The following TMEM131 variants were observed in gnomAD, a reference collection of about 807,000 sequenced individuals.
TMEM131 encodes the protein 2610524E03Rik.
A neutral mutation model predicts 211.6 loss-of-function variants in TMEM131; 66 were observed. That is an observed-to-expected ratio of 0.31 (90% CI 0.26 to 0.38). The LOEUF (loss-of-function observed/expected upper bound fraction) is 0.38, where lower values mean the gene tolerates loss of function less well. Ranked by LOEUF, TMEM131 falls within the 10% of genes least tolerant of loss-of-function variation. The pLI is 1.00. For synonymous variants in TMEM131, 844 were observed against 841.3 expected (o/e 1.00, Z -0.06); for missense variants, 2,036 against 2,299.3 (o/e 0.89, Z 2.34).
intron 1 of TMEM131, among the ~76,000 whole-genome samples, chr2:97,977,184 A>G (rs1679578986): frequency 6.6e-6 from 1 of 152,032 alleles, no homozygotes; most frequent in Admixed American, 6.5e-5. Flanking sequence ...TCAATCAATT[A>G]AAAACTTCTG....
intron 11 of TMEM131, among the ~76,000 whole-genome samples, chr2:97,825,508 G>A (rs566334433): frequency 1.9e-4 from 29 of 152,282 alleles, no homozygotes; most frequent in African/African-American, 7.0e-4. Context: ...GATACAGCAA[G>A]ATGGCCAGAC....
chr2:97,804,621 C>CA (rs71386034), intron 22 of TMEM131, among the ~76,000 whole-genome samples: 5,709 of 70,850 alleles, frequency 0.081, 531 homozygotes, highest in African/African-American at 0.26. Context: ...GACTCCGTCT[C>CA]AAAAAAAAAA....
intron 11 of TMEM131, among the ~76,000 whole-genome samples, chr2:97,818,955 T>C (rs560995750): frequency 6.6e-6 from 1 of 152,372 alleles, no homozygotes; most frequent in South Asian, 2.1e-4. Flanking sequence ...GATTTGTAAG[T>C]GTAAGAATCT....
intron 1 of TMEM131, among the ~76,000 whole-genome samples, chr2:97,981,042 A>AGG (rs1312858403): frequency 5.5e-5 from 5 of 91,384 alleles, no homozygotes; most frequent in African/African-American, 1.9e-4. Context: ...AAAAAAAAAA[A>AGG]AAAAAAAAAA....
At chr2:97,871,431 G>A (rs1009108289) in intron 4 of TMEM131, among the ~76,000 whole-genome samples, 1 of 152,214 alleles carries the variant, frequency 6.6e-6, no homozygotes, top group African/African-American at 2.4e-5. Flanking sequence ...CATGAGGTTA[G>A]GGTTATCAGA....
chr2:97,945,274 T>A (rs749128642), intron 1 of TMEM131, among the ~76,000 whole-genome samples: 12 of 152,122 alleles, frequency 7.9e-5, no homozygotes, highest in Non-Finnish European at 1.8e-4. Flanking sequence ...AAAAAGAACC[T>A]AGATTAGCAG....
chr2:97,793,123 C>A (rs1680584834), intron 30 of TMEM131, 139 bp from the exon 31 acceptor site: 1 of 691,922 alleles, frequency 1.4e-6, no homozygotes, highest in Non-Finnish European at 2.3e-6. Context: ...AGGGAAATTT[C>A]TACAACTCTC....
rs975785208 is a variant in TMEM131 at position 97,827,271 on chromosome 2, C to T, written c.1074+6094G>A. 1.8e-5 allele frequency: 14 copies of T among 780,278 alleles called. 1 individual carries two copies. The highest frequency in any genetic ancestry group is 5.1e-5 in the African/African-American group (3 of 59,020). The allele number at this position is 780,278 out of a possible 1,614,324, so 48.3% of individuals were successfully genotyped here. On this transcript the variant is annotated intron_variant, in intron 11 of 40. Transcript: ENST00000186436. ...GGATGCCCAAGAGGAAGGTCAGCTCCGCTGAAGCCGCTGCCAAGGAAGAGC... is the reference window on the plus strand; with the variant it reads ...GGATGCCCAAGAGGAAGGTCAGCTCTGCTGAAGCCGCTGCCAAGGAAGAGC...
At chr2:97,858,378 T>C (rs1673931750) in intron 5 of TMEM131, among the ~76,000 whole-genome samples, 1 of 152,206 alleles carries the variant, frequency 6.6e-6, no homozygotes, top group African/African-American at 2.4e-5. Flanking sequence ...TTTTTATTTA[T>C]TTGGTCAGAG....
At chr2:97,821,671 C>T (rs775667418) in intron 11 of TMEM131, among the ~76,000 whole-genome samples, 5 of 152,194 alleles carry the variant, frequency 3.3e-5, no homozygotes, top group East Asian at 3.9e-4. Context: ...AAGGGACTAT[C>T]GCCAAGCAGT....
intron 1 of TMEM131, among the ~76,000 whole-genome samples, chr2:97,951,607 G>C (rs967812022): frequency 2.0e-5 from 3 of 152,142 alleles, no homozygotes; most frequent in Non-Finnish European, 2.9e-5. Context: ...AGAGAGGACA[G>C]GGTTTTCTGT....
intron 33 of TMEM131, among the ~76,000 whole-genome samples, chr2:97,769,961 G>A (rs971869889): frequency 6.6e-6 from 1 of 152,190 alleles, no homozygotes; most frequent in African/African-American, 2.4e-5. Flanking sequence ...GGATGGATGG[G>A]GCTGAGCCAC....
At position 97,970,014 on chromosome 2, in the gene TMEM131, G is replaced by A. The variant is rs140102755; in HGVS notation, c.187+25462C>T. On this transcript the variant is annotated intron_variant, in intron 1 of 40. Transcript: ENST00000186436. ...ATTCCATTCCATTCTCCTTGTTGAT[G>A]AAGAATGACTGTTATAGTACTGCTG... Among the ~76,000 whole-genome samples, 117 of 152,296 alleles carry A rather than the reference G, an allele frequency of 7.7e-4. No homozygotes were observed. The East Asian group carries it at 0.014, about 19-fold the overall frequency.
chr2:97,911,556 T>C (rs1202853902), intron 2 of TMEM131: 1 of 909,192 alleles, frequency 1.1e-6, no homozygotes, highest in Non-Finnish European at 1.3e-6. Flanking sequence ...TGCACTTTCT[T>C]GAGGAGAAAA....
chr2:97,781,167 T>C (rs955741911), intron 31 of TMEM131, among the ~76,000 whole-genome samples: 4 of 152,218 alleles, frequency 2.6e-5, no homozygotes, highest in Non-Finnish European at 2.9e-5. Context: ...CTATTCGTCA[T>C]ACAGCCTAAG....
chr2:97,766,571 C>G lies in TMEM131; in HGVS notation c.4480G>C (p.Glu1494Gln). 2 of 1,613,888 alleles carry G rather than the reference C, an allele frequency of 1.2e-6. No individual in the cohort carries two copies. The highest frequency in any genetic ancestry group is 2.2e-5 in the South Asian group (2 of 91,070). ...GGGAGATTTCTACGTTGCTTACTTTCCAAAGGGGGAGTATATGGTAGTTCT... is the reference window on the plus strand; with the variant it reads ...GGGAGATTTCTACGTTGCTTACTTTGCAAAGGGGGAGTATATGGTAGTTCT... Reference protein sequence around the residue: ...SLELPYTPPLESKQRRNLPSK... With the variant: ...SLELPYTPPLQSKQRRNLPSK... Residue 1494 changes from glutamate to glutamine, a missense_variant, in exon 34 of 41, where the codon GAA becomes CAA. Glu to Gln is a conservative substitution (Grantham distance 29). This residue lies in a region of TMEM131 where 1,623 missense variants were observed against 1,805.9 expected (regional missense o/e 0.90). Transcript: ENST00000186436.
At chr2:97,922,278 C>G (rs1351452211) in intron 2 of TMEM131, among the ~76,000 whole-genome samples, 1 of 152,112 alleles carries the variant, frequency 6.6e-6, no homozygotes, top group African/African-American at 2.4e-5. Flanking sequence ...CTTCACCCAC[C>G]ACCTGCTGTG....
chr2:97,845,817 G>T (rs970246692), intron 5 of TMEM131, among the ~76,000 whole-genome samples: 5 of 148,014 alleles, frequency 3.4e-5, no homozygotes, highest in Non-Finnish European at 7.4e-5. Context: ...CCATAAAATG[G>T]ATAAAACTCT....
At chr2:97,911,493 A>G (rs2104381791) in intron 2 of TMEM131, 1 of 221,898 alleles carries the variant, frequency 4.5e-6, no homozygotes, top group Non-Finnish European at 7.6e-6. Flanking sequence ...ATGAGAAGCT[A>G]TGGTCTCACA....
Sources: allele counts gnomAD v4.1 joint callset (sites outside exome capture counted in the v4.1 genomes callset), GRCh38; gene constraint gnomAD v4.1.1; regional missense constraint gnomAD v4.1.1; transcripts MANE v1.5; gene names NCBI Gene and HGNC (gene_info 2026-07-23, HGNC 2026-07-21).